The following CDH18 variants were observed in gnomAD, a reference collection of about 807,000 sequenced individuals.
CDH18 encodes cadherin-18.
A neutral mutation model predicts 67.9 loss-of-function variants in CDH18; 31 were observed. That is an observed-to-expected ratio of 0.46 (90% CI 0.34 to 0.62). The LOEUF is 0.62. CDH18 is among the 20% of genes least tolerant of loss of function. The probability of loss-of-function intolerance (pLI) is 0.01; values close to 1 mark genes in which losing one functional copy is unlikely to be tolerated. For synonymous variants in CDH18, 362 were observed against 347.2 expected, an observed-to-expected ratio of 1.04 and a Z score of -0.48; for missense variants, 890 against 975.5, an observed-to-expected ratio of 0.91 and a Z score of 1.17.
chr5:20,488,673 T>TTTTATATATATATATATA (rs1435006497), intron 1 of CDH18, among the ~76,000 whole-genome samples: 159 of 126,900 alleles, frequency 1.3e-3, no homozygotes, highest in Non-Finnish European at 2.2e-3. Context: ...GGGTAGTGTT[T>TTTTATATATATATATATA]TATATATATA....
intron 6 of CDH18, among the ~76,000 whole-genome samples, chr5:19,607,918 A>G (rs1469556884): frequency 1.3e-5 from 2 of 151,720 alleles, no homozygotes; most frequent in Non-Finnish European, 3.0e-5. Flanking sequence ...CTATAGACAT[A>G]TATTTCACAA....
At chr5:20,151,359 T>C (rs1213785524) in intron 2 of CDH18, among the ~76,000 whole-genome samples, 1 of 152,160 alleles carries the variant, frequency 6.6e-6, no homozygotes, top group Non-Finnish European at 1.5e-5. Flanking sequence ...ATGGTGTATA[T>C]GTACAACATT....
At chr5:19,874,120 T>C (rs1021302272) in intron 2 of CDH18, among the ~76,000 whole-genome samples, 3 of 152,196 alleles carry the variant, frequency 2.0e-5, no homozygotes, top group Admixed American at 2.0e-4. Context: ...TTTTAAAATA[T>C]TAAAGCATGT....
At chr5:19,527,833 T>C (rs76042236) in intron 9 of CDH18, among the ~76,000 whole-genome samples, 5,401 of 151,908 alleles carry the variant, frequency 0.036, 142 homozygotes, top group Non-Finnish European at 0.056. Context: ...GAATCTTGAC[T>C]CTTTTCAGTA....
chr5:20,397,238 C>G (rs1580902351), intron 1 of CDH18, among the ~76,000 whole-genome samples: 1 of 152,236 alleles, frequency 6.6e-6, no homozygotes, highest in Non-Finnish European at 1.5e-5. Flanking sequence ...TCAAGCAATT[C>G]TCCTGCCTCA....
At chr5:20,472,546 TA>T (rs892990890) in intron 1 of CDH18, among the ~76,000 whole-genome samples, 1 of 152,118 alleles carries the variant, frequency 6.6e-6, no homozygotes, top group Non-Finnish European at 1.5e-5. Flanking sequence ...AAATCTGCTC[TA>T]AAAAAATAAA....
At chr5:20,108,255 TA>T (rs1192649087) in intron 2 of CDH18, among the ~76,000 whole-genome samples, 3 of 151,902 alleles carry the variant, frequency 2.0e-5, no homozygotes, top group South Asian at 2.1e-4. Context: ...AATTTTATTT[TA>T]TTTTTTTTTA....
intron 1 of CDH18, among the ~76,000 whole-genome samples, chr5:20,496,012 G>T (rs372360663): frequency 6.6e-6 from 1 of 152,116 alleles, no homozygotes; most frequent in South Asian, 2.1e-4. Context: ...AGAAACAAAA[G>T]AGATCCAAGT....
intron 2 of CDH18, among the ~76,000 whole-genome samples, chr5:19,965,640 G>T (rs1053613791): frequency 6.6e-5 from 10 of 152,064 alleles, no homozygotes; most frequent in African/African-American, 2.4e-4. Context: ...TAATTACTGG[G>T]GAAAAGTACA....
At chr5:20,479,950 A>T (rs1399299599) in intron 1 of CDH18, among the ~76,000 whole-genome samples, 1 of 152,308 alleles carries the variant, frequency 6.6e-6, no homozygotes, top group East Asian at 1.9e-4. Flanking sequence ...TTTTCAATAA[A>T]AACCTTACAG....
chr5:19,958,715 T>A (rs900711738), intron 2 of CDH18, among the ~76,000 whole-genome samples: 1 of 152,092 alleles, frequency 6.6e-6, no homozygotes, highest in Non-Finnish European at 1.5e-5. Flanking sequence ...CATCTCTATA[T>A]CCTGGAATAT....
chr5:19,677,100 A>G (rs1477303974), intron 5 of CDH18, among the ~76,000 whole-genome samples: 1 of 152,082 alleles, frequency 6.6e-6, no homozygotes, highest in Non-Finnish European at 1.5e-5. Flanking sequence ...CAAGACACAG[A>G]GTCATCAGAT....
At chr5:19,854,753 TTTTA>T (rs1460857902) in intron 2 of CDH18, among the ~76,000 whole-genome samples, 1 of 152,002 alleles carries the variant, frequency 6.6e-6, no homozygotes, top group Non-Finnish European at 1.5e-5. Flanking sequence ...AGGCTACTAT[TTTTA>T]TTTATTTATT....
intron 2 of CDH18, among the ~76,000 whole-genome samples, chr5:19,843,691 AAGAC>A (rs968540405): frequency 2.0e-5 from 3 of 152,230 alleles, no homozygotes; most frequent in African/African-American, 7.2e-5. Context: ...AAAAAAGCTA[AAGAC>A]ACTCAATGCC....
At chr5:19,750,145 C>T (rs1225404550) in intron 3 of CDH18, among the ~76,000 whole-genome samples, 1 of 151,888 alleles carries the variant, frequency 6.6e-6, no homozygotes, top group Non-Finnish European at 1.5e-5. Flanking sequence ...TAACGGGAAA[C>T]CATTGTAGTA....
chr5:20,445,584 G>A (rs781401464), intron 1 of CDH18, among the ~76,000 whole-genome samples: 4 of 152,324 alleles, frequency 2.6e-5, no homozygotes, highest in Non-Finnish European at 5.9e-5. Flanking sequence ...TTGTAGCTAA[G>A]ACTGAATGTG....
In CDH18 at chr5:19,637,426, C is replaced by T. The variant is rs1457244417; in HGVS notation, c.644-24825G>A. Among the ~76,000 whole-genome samples the T allele has an allele frequency of 2.0e-5, 3 of 152,056 alleles. No homozygotes were observed. The East Asian group carries it at 5.8e-4, about 29-fold the overall frequency. On this transcript the variant is annotated intron_variant, in intron 5 of 12. Coordinates refer to ENST00000382275, the MANE Select transcript of CDH18 (RefSeq NM_004934.5). ...TGTTCTGGTCCCTACACTACTGATT[C>T]CTATTTCTACTTCTAATTGCACCTT...
rs2387966 is a variant in CDH18 at position 19,608,731 on chromosome 5, T to C, written c.811+3703A>G. On this transcript the variant is annotated intron_variant, in intron 6 of 12. Transcript: ENST00000382275. The stretch of plus-strand genomic sequence containing the variant: ...TGGCAATTTACTATCATTTAAGTTC[T>C]GGAGAAAGTTATGTTAGATTAAGCT... Among the ~76,000 whole-genome samples the C allele has an allele frequency of 9.7e-3, 1,470 of 151,936 alleles. 24 individuals are homozygous for C. Among genetic ancestry groups the C allele is most frequent in the African/African-American group, 0.033 (1,387 of 41,512 alleles).
chr5:20,036,116 A>C (rs911542681), intron 2 of CDH18, among the ~76,000 whole-genome samples: 3 of 152,032 alleles, frequency 2.0e-5, no homozygotes, highest in Non-Finnish European at 2.9e-5. Flanking sequence ...TAGAAGATAA[A>C]TGTGGACTAA....
Sources: allele counts gnomAD v4.1 joint callset (sites outside exome capture counted in the v4.1 genomes callset), GRCh38; gene constraint gnomAD v4.1.1; transcripts MANE v1.5; gene names NCBI Gene and HGNC (gene_info 2026-07-23, HGNC 2026-07-21).